Variants in HDX observed in about 807,000 individuals in gnomAD.
The protein encoded by HDX is highly divergent homeobox.
HDX carries 19 observed loss-of-function variants against 45.2 expected under a neutral mutation model. The observed-to-expected ratio is 0.42, with a 90% confidence interval of 0.29 to 0.62. The LOEUF is 0.62. Among genes scored for constraint, HDX ranks in the 20% least tolerant of loss-of-function variants. HDX has a pLI of 0.20. For synonymous variants in HDX, 188 were observed against 172.8 expected (o/e 1.09, Z -0.69); for missense variants, 532 against 493.9 (o/e 1.08, Z -0.73).
intron 5 of HDX, among the ~76,000 whole-genome samples, chrX:84,384,227 T>G (rs1368452181): frequency 9.0e-6 from 1 of 111,730 alleles, no homozygotes; most frequent in African/African-American, 3.3e-5. Context: ...TTTGACTTTT[T>G]AATAACAGCC....
intron 3 of HDX, 85 bp from the exon 4 acceptor site, chrX:84,469,660 C>A: frequency 1.2e-6 from 1 of 800,122 alleles, no homozygotes; most frequent in South Asian, 3.1e-5. Context: ...ATTATATTTT[C>A]ATTTGTCTTG....
chrX:84,465,275 G>A (rs1478609733), intron 4 of HDX, among the ~76,000 whole-genome samples: 1 of 111,901 alleles, frequency 8.9e-6, no homozygotes, highest in African/African-American at 3.3e-5. Flanking sequence ...AATCCTCAAC[G>A]ATCTAGAACC....
At chrX:84,406,933 T>TG in intron 5 of HDX, among the ~76,000 whole-genome samples, 2 of 110,320 alleles carry the variant, frequency 1.8e-5, no homozygotes, top group Non-Finnish European at 3.8e-5. Context: ...TTTGAGCGGG[T>TG]GAAAAAAAAA....
At chrX:84,459,119 T>C (rs2040179004) in intron 4 of HDX, among the ~76,000 whole-genome samples, 1 of 111,707 alleles carries the variant, frequency 9.0e-6, no homozygotes, top group African/African-American at 3.3e-5. Context: ...TTAAACGATA[T>C]GTTCCTGAAC....
chrX:84,446,587 T>C (rs1458867493), intron 4 of HDX, among the ~76,000 whole-genome samples: 3 of 111,146 alleles, frequency 2.7e-5, no homozygotes, highest in Non-Finnish European at 5.7e-5. Context: ...CTGATACATT[T>C]ATTCTGTAAT....
chrX:84,374,484 G>T (rs924699152), intron 5 of HDX, among the ~76,000 whole-genome samples: 17 of 109,545 alleles, frequency 1.6e-4, no homozygotes, highest in Non-Finnish European at 3.0e-4. Flanking sequence ...AAAGCTATAG[G>T]CATCATGCTA....
At chrX:84,352,231 C>A (rs189263023) in intron 6 of HDX, among the ~76,000 whole-genome samples, 60 of 111,981 alleles carry the variant, frequency 5.4e-4, no homozygotes, top group Middle Eastern at 9.2e-3. Context: ...AAGACGAATT[C>A]TTCTTTATAT....
At chrX:84,408,499 G>GTTTTT (rs1220751208) in intron 5 of HDX, among the ~76,000 whole-genome samples, 1,577 of 44,012 alleles carry the variant, frequency 0.036, 186 homozygotes, top group East Asian at 0.19. Context: ...CTCCAGCTTT[G>GTTTTT]TTTTTTTTTT....
chrX:84,468,597 G>C lies in HDX; in HGVS notation c.1126C>G (p.Arg376Gly), dbSNP rs780890109. ...CTAGATGCTGTATGTAATGAGGTCC[G>C]TGGTGTCAAATGGTAGTTTCTGTTT... ...YQNRNYHLTP[R>G]TSLHTASSTM... Residue 376 changes from arginine (R) to glycine (G), a missense_variant, in exon 4 of 11, where the codon CGG (arginine) becomes GGG (glycine). Arg to Gly is a moderately radical substitution (Grantham distance 125). Around this residue, in one of 3 missense-constraint regions of HDX, gnomAD observed 376 missense variants for 343.7 expected, o/e 1.09. Transcript: ENST00000373177. 4.2e-6 allele frequency: 5 copies of C among 1,202,332 alleles called. No individual in the cohort carries two copies. The Admixed American group carries it at 1.1e-4, about 26-fold the overall frequency.
chrX:84,411,982 A>T (rs1001389813), intron 5 of HDX, among the ~76,000 whole-genome samples: 14 of 111,258 alleles, frequency 1.3e-4, no homozygotes, highest in African/African-American at 3.9e-4. Flanking sequence ...TTATACTATC[A>T]GCCCCCACTT....
chrX:84,339,511 T>A (rs1318085664), intron 7 of HDX, among the ~76,000 whole-genome samples: 1 of 111,820 alleles, frequency 8.9e-6, no homozygotes, highest in Admixed American at 9.5e-5. Context: ...AAATTAAAAC[T>A]ATATTGAGGA....
At chrX:84,428,904 T>C (rs1569336672) in intron 5 of HDX, among the ~76,000 whole-genome samples, 1 of 110,438 alleles carries the variant, frequency 9.1e-6, no homozygotes, top group Admixed American at 9.7e-5. Context: ...GTGCGCGCTA[T>C]GGACCAAAAT....
chrX:84,480,876 T>C (rs1836931273), intron 2 of HDX, among the ~76,000 whole-genome samples: 1 of 111,581 alleles, frequency 9.0e-6, no homozygotes, highest in Non-Finnish European at 1.9e-5. Context: ...AGGAAGTATT[T>C]CCTTCATTTA....
intron 5 of HDX, among the ~76,000 whole-genome samples, chrX:84,406,445 A>C (rs760250721): frequency 1.9e-5 from 2 of 106,153 alleles, no homozygotes; most frequent in East Asian, 6.0e-4. Context: ...GTGAAATTTG[A>C]GCTAAAACCT....
chrX:84,499,265 C>T lies in HDX; in HGVS notation c.-110+3077G>A, dbSNP rs73508982. On this transcript the variant is annotated intron_variant, in intron 1 of 10. Coordinates refer to ENST00000373177, the MANE Select transcript of HDX (RefSeq NM_001177479.2). ...ACTATAAAATCTCTCCCAACTTAAA[C>T]TCTACAACTTAAATGAGAAAACCCA... Among the ~76,000 whole-genome samples, 667 of 111,542 alleles carry T rather than the reference C, an allele frequency of 6.0e-3. 7 individuals are homozygous for T. Among genetic ancestry groups the T allele is most frequent in the African/African-American group, 0.02 (622 of 30,785 alleles).
Position 84,468,943 on chromosome X carries a change from C to T in HDX, c.780G>A (p.Leu260=). Reference sequence around the variant, plus strand: ...CCAATGAAAACACTTCACGGATTTCCAAGTTTTGTGTTCTACAGTAAGGGT... The same window carrying T: ...CCAATGAAAACACTTCACGGATTTCTAAGTTTTGTGTTCTACAGTAAGGGT... ...IRDPYCRTQN[L]EIREVFSLAV... The change falls in exon 4 of 11, where the codon TTG becomes TTA. Residue 260 remains leucine (L), a synonymous_variant. Coordinates refer to ENST00000373177, the MANE Select transcript of HDX (RefSeq NM_001177479.2). The T allele has an allele frequency of 1.7e-6, 2 of 1,211,633 alleles. No individual in the cohort carries two copies. Among genetic ancestry groups the T allele is most frequent in the Non-Finnish European group, 1.1e-6 (1 of 895,418 alleles).
In HDX at chrX:84,469,309, A is replaced by C; in HGVS notation, c.414T>G (p.Ile138Met). Residue 138 changes from isoleucine (I) to methionine (M), a missense_variant, in exon 4 of 11, where the codon ATT (isoleucine) becomes ATG (methionine). Ile to Met is a conservative substitution (Grantham distance 10, BLOSUM62 1). Around this residue, in one of 3 missense-constraint regions of HDX, gnomAD observed 376 missense variants for 343.7 expected, o/e 1.09. Coordinates refer to ENST00000373177, the MANE Select transcript of HDX (RefSeq NM_001177479.2). ...TATCATTTTTAGTGGCTGTTTTCTG[A>C]ATAGGGATTTTATGTGCTTCTGTAA... ...TQITEAHKIP[I>M]QKTATKNDTE... 2.5e-6 allele frequency: 3 copies of C among 1,210,945 alleles called. No homozygotes were observed. Among genetic ancestry groups the C allele is most frequent in the Non-Finnish European group, 3.4e-6 (3 of 895,159 alleles).
chrX:84,447,613 G>T (rs1243333486), intron 4 of HDX, among the ~76,000 whole-genome samples: 1 of 110,795 alleles, frequency 9.0e-6, no homozygotes, highest in Non-Finnish European at 1.9e-5. Flanking sequence ...GTCCTAAACA[G>T]TTACACCAAG....
chrX:84,470,278 TC>T (rs1473408806), intron 3 of HDX, among the ~76,000 whole-genome samples: 1 of 111,677 alleles, frequency 9.0e-6, no homozygotes, highest in East Asian at 2.8e-4. Context: ...ATGTATGAGT[TC>T]CGGTTTCCTC....
Sources: allele counts gnomAD v4.1 joint callset (sites outside exome capture counted in the v4.1 genomes callset), GRCh38; gene constraint gnomAD v4.1.1; regional missense constraint gnomAD v4.1.1; transcripts MANE v1.5; gene names NCBI Gene and HGNC (gene_info 2026-07-23, HGNC 2026-07-21).